The following USP32 variants were observed in gnomAD, a reference collection of about 807,000 sequenced individuals.
The protein encoded by USP32 is ubiquitin specific peptidase 32, also known as ubiquitin carboxyl-terminal hydrolase 32.
A neutral mutation model predicts 204.8 loss-of-function variants in USP32; 59 were observed. That is an observed-to-expected ratio of 0.29 (90% CI 0.23 to 0.36). The LOEUF is 0.36. Ranked by LOEUF, USP32 falls within the 10% of genes least tolerant of loss-of-function variation. USP32 has a pLI of 1.00. For synonymous variants in USP32, 517 were observed against 678.4 expected (o/e 0.76, Z 3.70); for missense variants, 1,160 against 1,946.4 (o/e 0.60, Z 7.60).
At chr17:60,371,636 C>T (rs191015833) in intron 1 of USP32, among the ~76,000 whole-genome samples, 1 of 151,962 alleles carries the variant, frequency 6.6e-6, no homozygotes, top group East Asian at 1.9e-4. Context: ...GGGTGTTCAA[C>T]ATCACTTAGT....
Position 60,226,181 on chromosome 17 carries a change from T to A in USP32, c.1290A>T (p.Lys430Asn). The change falls in exon 13 of 34, where the codon AAA (lysine) becomes AAT (asparagine). Residue 430 changes from lysine to asparagine, a missense_variant. Around this residue, in one of 8 missense-constraint regions of USP32, gnomAD observed 536 missense variants for 680.9 expected, o/e 0.79. Coordinates refer to ENST00000300896, the MANE Select transcript of USP32 (RefSeq NM_032582.4). The stretch of plus-strand genomic sequence containing the variant: ...GATGGGCTGCAGTTCCAAATGAGTA[T>A]TTTCCTCCATTCAAAACAGATGATG... Reference protein sequence around the residue: ...IEPSSVLNGGKYSFGTAAHPM... With the variant: ...IEPSSVLNGGNYSFGTAAHPM... 6.3e-7 allele frequency: 1 copy of A among 1,587,106 alleles called. No individual in the cohort carries two copies. The highest frequency in any genetic ancestry group is 1.4e-5 in the African/African-American group (1 of 73,146).
intron 3 of USP32, among the ~76,000 whole-genome samples, chr17:60,301,218 G>A (rs1481668025): frequency 6.6e-6 from 1 of 152,142 alleles, no homozygotes; most frequent in African/African-American, 2.4e-5. Context: ...ACAAACTTAG[G>A]AGTGGAATTG....
At chr17:60,299,725 G>A (rs1371582997) in intron 3 of USP32, among the ~76,000 whole-genome samples, 1 of 152,190 alleles carries the variant, frequency 6.6e-6, no homozygotes, top group Non-Finnish European at 1.5e-5. Flanking sequence ...CAGTCTCAGG[G>A]CAGCAGCTTA....
upstream of USP32, among the ~76,000 whole-genome samples, chr17:60,393,104 C>T (rs1432959111): frequency 1.3e-5 from 2 of 152,222 alleles, no homozygotes; most frequent in Admixed American, 1.3e-4. Context: ...AACTCTGTGC[C>T]TATTAAACGG....
At chr17:60,266,188 T>G in intron 7 of USP32, 97 bp from the exon 8 acceptor site, 1 of 840,010 alleles carries the variant, frequency 1.2e-6, no homozygotes, top group Non-Finnish European at 1.9e-6. Flanking sequence ...ACTTAGTTTT[T>G]AAAGCAAGTA....
intron 2 of USP32, among the ~76,000 whole-genome samples, chr17:60,330,595 G>A (rs986998458): frequency 2.0e-5 from 3 of 148,564 alleles, no homozygotes; most frequent in African/African-American, 5.0e-5. Flanking sequence ...CACCCAGGTC[G>A]GAGTGCAGTG....
chr17:60,385,191 G>T (rs2089708717), intron 1 of USP32, among the ~76,000 whole-genome samples: 1 of 151,988 alleles, frequency 6.6e-6, no homozygotes, highest in Admixed American at 6.6e-5. Flanking sequence ...TCCCCCACTG[G>T]GCACCTCGTG....
chr17:60,346,201 T>A (rs1414383844), intron 1 of USP32, among the ~76,000 whole-genome samples: 2 of 151,970 alleles, frequency 1.3e-5, no homozygotes, highest in Non-Finnish European at 2.9e-5. Context: ...CACCTTGGCC[T>A]CCAGAAATGC....
intron 30 of USP32, among the ~76,000 whole-genome samples, chr17:60,184,014 C>T (rs1257128678): frequency 1.3e-5 from 2 of 152,118 alleles, no homozygotes; most frequent in African/African-American, 4.8e-5. Flanking sequence ...CAGCCGGGCG[C>T]AGTGGCTCAC....
At chr17:60,314,762 A>G (rs1344863288) in intron 2 of USP32, among the ~76,000 whole-genome samples, 1 of 152,212 alleles carries the variant, frequency 6.6e-6, no homozygotes, top group Non-Finnish European at 1.5e-5. Flanking sequence ...TGTAAGATAA[A>G]CAAAACCAAA....
chr17:60,189,057 C>T (rs1488797921), intron 29 of USP32, among the ~76,000 whole-genome samples: 2 of 152,216 alleles, frequency 1.3e-5, no homozygotes, highest in Non-Finnish European at 2.9e-5. Flanking sequence ...ATTTATAGAG[C>T]CAAATAATTT....
intron 29 of USP32, among the ~76,000 whole-genome samples, chr17:60,186,889 T>C (rs528498310): frequency 6.6e-6 from 1 of 152,266 alleles, no homozygotes; most frequent in South Asian, 2.1e-4. Context: ...TGTTTGTCCC[T>C]CTAATGTATG....
chr17:60,303,569 C>T (rs2087642438), intron 2 of USP32, among the ~76,000 whole-genome samples: 1 of 151,902 alleles, frequency 6.6e-6, no homozygotes, highest in South Asian at 2.1e-4. Flanking sequence ...AAATTGAAGT[C>T]TCTATAGCAC....
chr17:60,241,860 C>T (rs997563400), intron 11 of USP32, among the ~76,000 whole-genome samples: 11 of 152,114 alleles, frequency 7.2e-5, no homozygotes, highest in African/African-American at 2.4e-4. Flanking sequence ...GAAACTCAAA[C>T]GTTTTTAATT....
intron 11 of USP32, among the ~76,000 whole-genome samples, chr17:60,242,304 A>AT (rs528615975): frequency 3.3e-4 from 50 of 150,628 alleles, no homozygotes; most frequent in South Asian, 6.3e-4. Context: ...CTCCTGGACC[A>AT]TTTTTTTTTC....
chr17:60,339,441 G>A (rs2088603157), intron 2 of USP32, among the ~76,000 whole-genome samples: 1 of 151,788 alleles, frequency 6.6e-6, no homozygotes, highest in Admixed American at 6.6e-5. Flanking sequence ...AAATTAGCCA[G>A]GCGTGGTGGT....
chr17:60,212,131 T>C (rs749370277), intron 18 of USP32, 33 bp from the exon 19 acceptor site: 4 of 1,537,158 alleles, frequency 2.6e-6, no homozygotes, highest in African/African-American at 2.8e-5. Flanking sequence ...GTTAATTTCT[T>C]ATCTATCTAA....
At position 60,211,426 on chromosome 17, in the gene USP32, C is replaced by A; in HGVS notation, c.2268G>T (p.Gln756His). 6.2e-7 allele frequency: 1 copy of A among 1,613,806 alleles called. No individual in the cohort carries two copies. The highest frequency in any genetic ancestry group is 8.5e-7 in the Non-Finnish European group (1 of 1,179,800). The part of the protein sequence containing the change: ...NSSIQCVSNT[Q>H]PLTQYFISGR... ...CTGAGATAAAATACTGTGTCAGTGG[C>A]TGTGTGTTACTAACACACTGGATGC... The change falls in exon 20 of 34, where the codon CAG becomes CAT. Residue 756 changes from glutamine to histidine, a missense_variant. Gln to His is a conservative substitution (Grantham distance 24). This residue lies in a region of USP32 where 132 missense variants were observed against 432.8 expected (regional missense o/e 0.30). Coordinates refer to ENST00000300896, the MANE Select transcript of USP32 (RefSeq NM_032582.4).
chr17:60,262,388 C>T (rs570863027), intron 9 of USP32, among the ~76,000 whole-genome samples: 1 of 152,170 alleles, frequency 6.6e-6, no homozygotes, highest in African/African-American at 2.4e-5. Flanking sequence ...GACAGGGTTT[C>T]GCCATGTTGG....
Sources: gnomAD v4.1 joint callset for allele counts (sites outside exome capture counted in the v4.1 genomes callset) on GRCh38, gnomAD v4.1.1 for gene constraint, gnomAD v4.1.1 regional missense constraint, MANE v1.5 for transcripts, NCBI Gene and HGNC (gene_info 2026-07-23, HGNC 2026-07-21) for gene names.